DACH1: variants seen among roughly 807,000 people sequenced by gnomAD.
The protein encoded by DACH1 is dachshund family transcription factor 1.
A neutral mutation model predicts 54.2 loss-of-function variants in DACH1; 12 were observed. The ratio of observed to expected loss-of-function variants is 0.22; its 90% CI spans 0.14 to 0.36. The LOEUF is 0.36. Ranked by LOEUF, DACH1 falls within the 10% of genes least tolerant of loss-of-function variation. DACH1 has a pLI of 1.00. For missense variants in DACH1, 805 were observed against 929.8 expected (o/e 0.87, Z 1.75); for synonymous variants, 386 against 366.2 (o/e 1.05, Z -0.62).
chr13:71,827,840 T>A (rs551893576), intron 1 of DACH1, among the ~76,000 whole-genome samples: 15 of 152,138 alleles, frequency 9.9e-5, no homozygotes, highest in African/African-American at 3.6e-4. Flanking sequence ...AAATAGCAAA[T>A]CCTTCATTAA....
intron 1 of DACH1, among the ~76,000 whole-genome samples, chr13:71,859,843 T>A (rs1874237344): frequency 6.6e-6 from 1 of 151,892 alleles, no homozygotes; most frequent in Non-Finnish European, 1.5e-5. Context: ...AAAAGTTAGT[T>A]ACAAGACAGC....
intron 1 of DACH1, among the ~76,000 whole-genome samples, chr13:71,763,535 A>AT (rs5804583): frequency 0.53 from 78,685 of 149,148 alleles, 21,949 homozygotes; most frequent in East Asian, 0.86. Flanking sequence ...CTCTTCCCTG[A>AT]TTTTTTTTTT....
intron 1 of DACH1, among the ~76,000 whole-genome samples, chr13:71,717,729 T>A (rs73523475): frequency 0.013 from 1,915 of 152,208 alleles, 44 homozygotes; most frequent in African/African-American, 0.044. Flanking sequence ...CTTAGGAATA[T>A]AATGATAGCC....
chr13:71,860,980 G>A (rs1202529935), intron 1 of DACH1, among the ~76,000 whole-genome samples: 1 of 151,890 alleles, frequency 6.6e-6, no homozygotes, highest in African/African-American at 2.4e-5. Context: ...AATCGCCAAA[G>A]ACAAGAGTGA....
At position 71,611,810 on chromosome 13, in the gene DACH1, T is replaced by G. The variant is rs572155402; in HGVS notation, c.1126+18746A>C. Among the ~76,000 whole-genome samples, 18 of 152,286 alleles carry G rather than the reference T, an allele frequency of 1.2e-4. No homozygotes were observed. In the East Asian group the frequency reaches 3.5e-3, roughly 29 times the overall value. ...TAAATTCACATGCAAAATAAAACAC[T>G]GCTGATGAAAGCTTTTTTGCCTCCT... On this transcript the variant is annotated intron_variant, in intron 3 of 10. Transcript: ENST00000613252.
At chr13:71,524,913 GA>G in intron 6 of DACH1, among the ~76,000 whole-genome samples, 1 of 152,210 alleles carries the variant, frequency 6.6e-6, no homozygotes, top group Non-Finnish European at 1.5e-5. Context: ...AAACGCTTTT[GA>G]AAACATTACT....
chr13:71,592,359 G>T (rs1183828840), intron 3 of DACH1, among the ~76,000 whole-genome samples: 1 of 151,598 alleles, frequency 6.6e-6, no homozygotes, highest in East Asian at 1.9e-4. Flanking sequence ...GCTGGGCGTG[G>T]TGACATCCAC....
intron 3 of DACH1, among the ~76,000 whole-genome samples, chr13:71,581,704 C>G (rs1872864382): frequency 6.6e-6 from 1 of 150,488 alleles, no homozygotes; most frequent in African/African-American, 2.5e-5. Context: ...AATTCAGCAT[C>G]TAGATTAACA....
At chr13:71,801,657 T>A (rs1887293167) in intron 1 of DACH1, among the ~76,000 whole-genome samples, 1 of 152,124 alleles carries the variant, frequency 6.6e-6, no homozygotes, top group Admixed American at 6.6e-5. Flanking sequence ...ATACAGAGCA[T>A]TTCTGGTTAC....
chr13:71,642,851 C>T (rs542642936), intron 2 of DACH1, among the ~76,000 whole-genome samples: 1 of 151,778 alleles, frequency 6.6e-6, no homozygotes, highest in Non-Finnish European at 1.5e-5. Context: ...TGAAACCCAT[C>T]TCTACTGAAA....
chr13:71,526,418 A>G (rs1486849762), intron 6 of DACH1, among the ~76,000 whole-genome samples: 3 of 152,214 alleles, frequency 2.0e-5, no homozygotes, highest in East Asian at 3.9e-4. Context: ...CCTATTTCCT[A>G]AAAGACAACG....
intron 6 of DACH1, among the ~76,000 whole-genome samples, chr13:71,517,941 A>C (rs2138273211): frequency 6.6e-6 from 1 of 152,030 alleles, no homozygotes; most frequent in East Asian, 1.9e-4. Flanking sequence ...AAATAACCTC[A>C]GTTTTAAATA....
chr13:71,819,238 G>A (rs1001819980), intron 1 of DACH1, among the ~76,000 whole-genome samples: 3 of 152,178 alleles, frequency 2.0e-5, no homozygotes, highest in Admixed American at 1.3e-4. Context: ...AGAATTAAAT[G>A]TCCTGACCTC....
At chr13:71,723,989 C>A (rs982849992) in intron 1 of DACH1, among the ~76,000 whole-genome samples, 1 of 152,118 alleles carries the variant, frequency 6.6e-6, no homozygotes, top group African/African-American at 2.4e-5. Context: ...CTGCACCTGG[C>A]CTGTTTTGTA....
intron 1 of DACH1, among the ~76,000 whole-genome samples, chr13:71,779,219 GTATATACGTA>G (rs1566495019): frequency 1.3e-5 from 1 of 76,146 alleles, no homozygotes; most frequent in Non-Finnish European, 2.4e-5. Flanking sequence ...ATATATATAC[GTATATACGTA>G]TATATACACA....
chr13:71,470,313 C>CT (rs67360461), intron 10 of DACH1, among the ~76,000 whole-genome samples: 66 of 139,508 alleles, frequency 4.7e-4, no homozygotes, highest in African/African-American at 1.6e-3. Flanking sequence ...TCTGTTTTTT[C>CT]TTTTTTTTTT....
intron 1 of DACH1, among the ~76,000 whole-genome samples, chr13:71,859,437 C>T (rs896778731): frequency 6.6e-6 from 1 of 151,672 alleles, no homozygotes; most frequent in Non-Finnish European, 1.5e-5. Context: ...TTTAATTGGA[C>T]ATTTATCTGC....
At chr13:71,535,978 G>A (rs1048749321) in intron 6 of DACH1, among the ~76,000 whole-genome samples, 2 of 151,380 alleles carry the variant, frequency 1.3e-5, no homozygotes, top group Non-Finnish European at 3.0e-5. Flanking sequence ...TAATAATTAC[G>A]GTATTACTAT....
chr13:71,728,323 A>C (rs1883571534), intron 1 of DACH1, among the ~76,000 whole-genome samples: 1 of 152,010 alleles, frequency 6.6e-6, no homozygotes, highest in South Asian at 2.1e-4. Flanking sequence ...TTTAGAACCC[A>C]AAATTAGAAT....
Sources: allele counts gnomAD v4.1 joint callset (sites outside exome capture counted in the v4.1 genomes callset), GRCh38; gene constraint gnomAD v4.1.1; transcripts MANE v1.5; gene names NCBI Gene and HGNC (gene_info 2026-07-23, HGNC 2026-07-21).